Variants in CNN3 observed in about 807,000 individuals in gnomAD.
CNN3 encodes the protein calponin 3, also known as calponin-3.
Under a neutral mutation model 39.0 loss-of-function variants are expected in CNN3, and 11 were observed. The ratio of observed to expected loss-of-function variants is 0.28; its 90% CI spans 0.18 to 0.47. The LOEUF is 0.47. Ranked by LOEUF, CNN3 falls within the 20% of genes least tolerant of loss-of-function variation. The pLI, the probability that CNN3 is intolerant of heterozygous loss-of-function variation, is 0.99. For missense variants in CNN3, 266 were observed against 403.4 expected (o/e 0.66, Z 2.92); for synonymous variants, 101 against 138.3 (o/e 0.73, Z 1.89).
Position 94,925,697 on chromosome 1 carries a change from T to C in CNN3, c.57+1141A>G, listed in dbSNP as rs374090189. On this transcript the variant is annotated intron_variant, in intron 1 of 6. Transcript: ENST00000370206. ...CCCCGGGATGTTCCAGCTCTGACAA[T>C]GCCAGTGCCTTCCACCAGCGGTCGG... is the stretch of plus-strand genomic sequence containing the variant. 522 of 985,460 alleles carry C rather than the reference T, an allele frequency of 5.3e-4. 3 individuals carry two copies. The African/African-American group carries it at 8.3e-3, about 16-fold the overall frequency. The allele number at this position is 985,460 out of a possible 1,614,324, so 61.0% of individuals were successfully genotyped here.
chr1:94,926,734 G>A lies in CNN3; in HGVS notation c.57+104C>T, dbSNP rs931736517. The A allele has an allele frequency of 3.8e-6, 5 of 1,320,156 alleles. No homozygotes were observed. Among genetic ancestry groups the A allele is most frequent in the African/African-American group, 3.0e-5 (2 of 67,086 alleles). 81.8% of individuals were successfully genotyped at this position (1,320,156 alleles called of 1,614,324 possible). On this transcript the variant is annotated intron_variant, in intron 1 of 6. Transcript: ENST00000370206. This position sits in a 1 kb window ranked among gnomAD's most constrained non-coding sequence, Gnocchi z 4.2. Reference sequence around the variant, plus strand: ...CGCCGCCTCGACGGCCCCTCTCCAGGAAAACGGTGAGCCACAGCGCGAAGA... The same window carrying A: ...CGCCGCCTCGACGGCCCCTCTCCAGAAAAACGGTGAGCCACAGCGCGAAGA...
intron 1 of CNN3, among the ~76,000 whole-genome samples, chr1:94,910,958 T>C (rs1671145576): frequency 6.6e-6 from 1 of 152,232 alleles, no homozygotes; most frequent in African/African-American, 2.4e-5. Context: ...CCACTCTTCC[T>C]GAGGCTGGTT....
intron 1 of CNN3, among the ~76,000 whole-genome samples, chr1:94,916,181 C>T (rs575452450): frequency 9.1e-4 from 138 of 152,242 alleles, no homozygotes; most frequent in Admixed American, 1.8e-3. Flanking sequence ...TTTGCTCTAC[C>T]GACGATCTCT....
chr1:94,903,243 T>C (rs949365414), intron 2 of CNN3, 55 bp from the exon 3 acceptor site: 3 of 1,590,916 alleles, frequency 1.9e-6, no homozygotes, highest in African/African-American at 2.7e-5. Flanking sequence ...AAACAAGGAT[T>C]GAAATATCAA....
intron 1 of CNN3, among the ~76,000 whole-genome samples, chr1:94,910,623 T>G (rs1310329054): frequency 6.6e-6 from 1 of 152,182 alleles, no homozygotes; most frequent in Non-Finnish European, 1.5e-5. Flanking sequence ...CGCTTTCAAG[T>G]CAAACTTCAA....
Position 94,907,042 on chromosome 1 carries a change from A to G in CNN3, c.58-3518T>C, listed in dbSNP as rs76768286. Among the ~76,000 whole-genome samples the G allele has an allele frequency of 4.0e-3, 610 of 152,288 alleles. 14 individuals carry two copies. The East Asian group carries it at 0.078, about 19-fold the overall frequency. On this transcript the variant is annotated intron_variant, in intron 1 of 6. Coordinates refer to ENST00000370206, the MANE Select transcript of CNN3 (RefSeq NM_001839.5). ...AAAATCAAGCACTGGAGTCAGATGGACCTCAGTTCAAATCCTGGCTCTACC... is the reference window on the plus strand; with the variant it reads ...AAAATCAAGCACTGGAGTCAGATGGGCCTCAGTTCAAATCCTGGCTCTACC...
At chr1:94,924,999 C>T (rs1371997633) in intron 1 of CNN3, among the ~76,000 whole-genome samples, 1 of 152,128 alleles carries the variant, frequency 6.6e-6, no homozygotes, top group Non-Finnish European at 1.5e-5. Flanking sequence ...GAGGTTTTAC[C>T]GTTTTTAAAT....
chr1:94,904,292 A>G (rs1670942700), intron 1 of CNN3, among the ~76,000 whole-genome samples: 1 of 146,400 alleles, frequency 6.8e-6, no homozygotes, highest in South Asian at 2.3e-4. Flanking sequence ...ACTATTAAAC[A>G]TAAGTTTTGA....
intron 3 of CNN3, 51 bp downstream of exon 3, chr1:94,903,071 C>T: frequency 7.5e-7 from 1 of 1,332,110 alleles, no homozygotes; most frequent in Non-Finnish European, 1.0e-6. Context: ...CAAGTTTTCA[C>T]TACATAAAAT....
intron 6 of CNN3, 31 bp downstream of exon 6, chr1:94,899,340 T>C (rs1198980182): frequency 6.3e-7 from 1 of 1,592,926 alleles, no homozygotes; most frequent in Admixed American, 1.8e-5. Flanking sequence ...GTAAGTGTAC[T>C]CTTGTACACG....
chr1:94,921,019 G>A (rs1463087582), intron 1 of CNN3, among the ~76,000 whole-genome samples: 1 of 152,148 alleles, frequency 6.6e-6, no homozygotes, highest in Non-Finnish European at 1.5e-5. Context: ...GCTACAGGAG[G>A]GTAATGCCTA....
rs567845386 is a variant in CNN3 at position 94,902,509 on chromosome 1, C to A, written c.247-251G>T. ...GTTACGTGTTTTCAGTTTTTATGGG[C>A]AAGATCTTCCTTATATATTTTAAAA... On this transcript the variant is annotated intron_variant, in intron 3 of 6. Transcript: ENST00000370206. Among the ~76,000 whole-genome samples, 17 of 152,264 alleles carry A rather than the reference C, an allele frequency of 1.1e-4. No homozygotes were observed. The South Asian group carries it at 3.5e-3, about 32-fold the overall frequency.
chr1:94,916,398 G>A (rs977138842), intron 1 of CNN3, among the ~76,000 whole-genome samples: 8 of 152,148 alleles, frequency 5.3e-5, no homozygotes, highest in South Asian at 2.1e-4. Context: ...AACAGGGGAG[G>A]GGGATTGCAG....
intron 2 of CNN3, 105 bp downstream of exon 2, chr1:94,903,298 G>A: frequency 6.5e-7 from 1 of 1,543,922 alleles, no homozygotes; most frequent in Non-Finnish European, 8.8e-7. Flanking sequence ...AAAGATATCT[G>A]TAGAATATCA....
chr1:94,901,562 C>T, intron 5 of CNN3, 107 bp downstream of exon 5: 1 of 684,612 alleles, frequency 1.5e-6, no homozygotes. Context: ...ACCCCCCCCC[C>T]AGTACTATAG....
At chr1:94,906,172 G>A (rs559771130) in intron 1 of CNN3, among the ~76,000 whole-genome samples, 6 of 151,848 alleles carry the variant, frequency 4.0e-5, no homozygotes, top group African/African-American at 1.4e-4. Context: ...TAGCAGAGAC[G>A]GGGTTTCACC....
chr1:94,926,933 G>A lies in CNN3; in HGVS notation c.-39C>T, dbSNP rs779526321. ...GCGGGAAGAGACAGCGCTGGGGTCCGGGGTCTCTCGCACTTCGCTTCCCCG... is the reference window on the plus strand; with the variant it reads ...GCGGGAAGAGACAGCGCTGGGGTCCAGGGTCTCTCGCACTTCGCTTCCCCG... On this transcript the variant is annotated 5_prime_UTR_variant, in exon 1 of 7. Transcript: ENST00000370206. The surrounding 1 kb of genome is among the most constrained non-coding windows in gnomAD (Gnocchi z 4.2). 1.9e-6 allele frequency: 3 copies of A among 1,593,474 alleles called. No individual in the cohort carries two copies. In the South Asian group the frequency reaches 3.3e-5, roughly 18 times the overall value.
intron 1 of CNN3, among the ~76,000 whole-genome samples, chr1:94,908,032 C>T (rs1381431974): frequency 6.6e-6 from 1 of 152,200 alleles, no homozygotes; most frequent in East Asian, 1.9e-4. Context: ...TGCCCACCTT[C>T]CTTTCTTAAA....
In CNN3 at chr1:94,901,538, A is replaced by G; in HGVS notation, c.501+131T>C. 2 of 555,344 alleles carry G rather than the reference A, an allele frequency of 3.6e-6. 1 individual carries two copies. 34.4% of individuals were successfully genotyped at this position (555,344 alleles called of 1,614,324 possible). A position where few individuals can be genotyped will look rare whatever the true frequency, so the allele number is the denominator to read the frequency against. On this transcript the variant is annotated intron_variant, in intron 5 of 6. Coordinates refer to ENST00000370206, the MANE Select transcript of CNN3 (RefSeq NM_001839.5). The stretch of plus-strand genomic sequence containing the variant: ...TTATGGGCTTTATAAATAGATATAA[A>G]TTGTATAAACTACACCCCCCCCCCA...
Sources: gnomAD v4.1 joint callset for allele counts (sites outside exome capture counted in the v4.1 genomes callset) on GRCh38, gnomAD v4.1.1 for gene constraint, Gnocchi (gnomAD v3.1) non-coding constraint, MANE v1.5 for transcripts, NCBI Gene and HGNC (gene_info 2026-07-23, HGNC 2026-07-21) for gene names.